BATF2: variants seen among roughly 807,000 people sequenced by gnomAD.
BATF2 encodes the protein basic leucine zipper transcriptional factor ATF-like 2.
BATF2 carries 4 observed loss-of-function variants against 7.3 expected under a neutral mutation model. The observed-to-expected ratio is 0.55, with a 90% CI of 0.27 to 1.26. The LOEUF is 1.26. Ranked by LOEUF, BATF2 falls within the 50% of genes most tolerant of loss-of-function variation. The pLI, the probability that BATF2 is intolerant of heterozygous loss-of-function variation, is 0.11. For missense variants in BATF2, 295 were observed against 340.5 expected, an observed-to-expected ratio of 0.87 and a Z score of 1.05; for synonymous variants, 152 against 153.9, an observed-to-expected ratio of 0.99 and a Z score of 0.09.
chr11:64,994,196 C>T (rs1565168522), intron 2 of BATF2, among the ~76,000 whole-genome samples: 1 of 152,178 alleles, frequency 6.6e-6, no homozygotes, highest in African/African-American at 2.4e-5. Flanking sequence ...CTGCGGACAC[C>T]TTAGGACACG....
intron 2 of BATF2, among the ~76,000 whole-genome samples, chr11:64,993,563 C>T (rs1946091674): frequency 6.6e-6 from 1 of 152,268 alleles, no homozygotes; most frequent in South Asian, 2.1e-4. Flanking sequence ...AAATAAATGT[C>T]TATTGTTTAA....
intron 2 of BATF2, among the ~76,000 whole-genome samples, chr11:64,991,152 A>AT (rs1565166784): frequency 3.8e-5 from 5 of 131,354 alleles, no homozygotes; most frequent in Non-Finnish European, 6.3e-5. Flanking sequence ...TGGAATGATG[A>AT]ATTTTTTTTT....
At chr11:64,994,656 A>G in intron 1 of BATF2, 107 bp from the exon 2 acceptor site, 1 of 1,102,098 alleles carries the variant, frequency 9.1e-7, no homozygotes, top group Non-Finnish European at 1.3e-6. Context: ...TCAAGTTCCC[A>G]AGGGTCTTTT....
chr11:64,996,828 G>A (rs916096076), intron 1 of BATF2, 48 bp downstream of exon 1: 4 of 1,610,076 alleles, frequency 2.5e-6, no homozygotes, highest in Admixed American at 1.7e-5. Flanking sequence ...CTGAGGACGG[G>A]ATCCCAGCTC....
intron 2 of BATF2, among the ~76,000 whole-genome samples, chr11:64,992,640 CAA>C: frequency 6.7e-6 from 1 of 150,364 alleles, no homozygotes; most frequent in Non-Finnish European, 1.5e-5. Flanking sequence ...GTAGGTGGAT[CAA>C]TTGAGTCCAG....
rs1946049390 is a variant in BATF2, at chr11:64,989,186, G to A, written c.768C>T (p.Pro256=). The part of the protein sequence containing the change: ...AATWQGLVVD[P]SPHPLLAFPL... Reference sequence around the variant, plus strand: ...GAAAGGCCAGGAGAGGGTGAGGGCTGGGATCCACAACCAGCCCTTGCCAAG... The same window carrying A: ...GAAAGGCCAGGAGAGGGTGAGGGCTAGGATCCACAACCAGCCCTTGCCAAG... Residue 256 remains proline, a synonymous_variant, in exon 3 of 3, where the codon CCC becomes CCT. Transcript: ENST00000301887. The surrounding 1 kb of genome is among the most constrained non-coding windows in gnomAD (Gnocchi z 4.3). 1.2e-6 allele frequency: 2 copies of A among 1,614,152 alleles called. No homozygotes were observed. Among genetic ancestry groups the A allele is most frequent in the East Asian group, 4.5e-5 (2 of 44,882 alleles).
chr11:64,995,933 G>A (rs940205935), intron 1 of BATF2, among the ~76,000 whole-genome samples: 1 of 152,078 alleles, frequency 6.6e-6, no homozygotes, highest in African/African-American at 2.4e-5. Context: ...CATGGCCCAG[G>A]GAATTTATTT....
chr11:64,989,441 G>T lies in BATF2; in HGVS notation c.513C>A (p.Ser171=), dbSNP rs1323628536. 6.2e-7 allele frequency: 1 copy of T among 1,608,828 alleles called. No homozygotes were observed. The highest frequency in any genetic ancestry group is 1.1e-5 in the South Asian group (1 of 90,378). The change falls in exon 3 of 3, where the codon TCC becomes TCA. Residue 171 remains serine (S), a synonymous_variant. Transcript: ENST00000301887. This position sits in a 1 kb window ranked among gnomAD's most constrained non-coding sequence, Gnocchi z 4.3. ...GCGAGGCAAACAGGAGAGGGCTGGG[G>T]GACAGCTGGACAGGAGGTTCAGCAA... ...AVVAEPPVQL[S]PSPLLFASHT...
intron 2 of BATF2, among the ~76,000 whole-genome samples, chr11:64,991,831 A>G (rs1210948052): frequency 2.6e-5 from 4 of 152,194 alleles, no homozygotes; most frequent in African/African-American, 7.2e-5. Context: ...AAGCATTTCC[A>G]GAAGGAAGGA....
At chr11:64,994,654 C>T in intron 1 of BATF2, 105 bp from the exon 2 acceptor site, 1 of 1,107,774 alleles carries the variant, frequency 9.0e-7, no homozygotes, top group Non-Finnish European at 1.3e-6. Flanking sequence ...AGTCAAGTTC[C>T]CAAGGGTCTT....
intron 1 of BATF2, among the ~76,000 whole-genome samples, 169 bp downstream of exon 1, chr11:64,996,707 C>T (rs571823580): frequency 1.1e-4 from 16 of 152,372 alleles, no homozygotes; most frequent in Middle Eastern, 3.4e-3. Context: ...ATCCCGACTT[C>T]GGGGGAGGAA....
chr11:64,989,042 G>T lies in BATF2; in HGVS notation c.*87C>A. The T allele has an allele frequency of 6.8e-7, 1 of 1,470,868 alleles. No individual in the cohort carries two copies. Among genetic ancestry groups the T allele is most frequent in the Non-Finnish European group, 9.5e-7 (1 of 1,052,244 alleles). The allele number at this position is 1,470,868 out of a possible 1,614,324, so 91.1% of individuals were successfully genotyped here. A position where few individuals can be genotyped will look rare whatever the true frequency, so the allele number is the denominator to read the frequency against. ...GCCAGCTGGTCAGCCACGCAGGGCAGCACCCAGTAGTGAGGGAGGAGAGGC... is the reference window on the plus strand; with the variant it reads ...GCCAGCTGGTCAGCCACGCAGGGCATCACCCAGTAGTGAGGGAGGAGAGGC... On this transcript the variant is annotated 3_prime_UTR_variant, in exon 3 of 3. Transcript: ENST00000301887. The surrounding 1 kb of genome is among the most constrained non-coding windows in gnomAD (Gnocchi z 4.3).
At position 64,989,709 on chromosome 11, in the gene BATF2, C is replaced by A. The variant is rs751982260; in HGVS notation, c.245G>T (p.Arg82Leu). 1 of 1,613,898 alleles carries A rather than the reference C, an allele frequency of 6.2e-7. No individual in the cohort carries two copies. The highest frequency in any genetic ancestry group is 8.5e-7 in the Non-Finnish European group (1 of 1,179,972). The change falls in exon 3 of 3, where the codon CGC becomes CTC. Residue 82 changes from arginine to leucine, a missense_variant. By Grantham distance (102) the Arg-to-Leu change is moderately radical. Transcript: ENST00000301887. The surrounding 1 kb of genome is among the most constrained non-coding windows in gnomAD (Gnocchi z 4.3). ...WWSRTLHVHE[R>L]LCPMDCASCS... ...GGAGGCACAATCCATGGGGCACAGG[C>A]GCTCATGCACGTGCAGGGTCCGGCT...
At chr11:64,990,525 G>A (rs960885770) in intron 2 of BATF2, 7 of 1,125,900 alleles carry the variant, frequency 6.2e-6, no homozygotes, top group Non-Finnish European at 7.7e-6. Context: ...GAGTGTGTTC[G>A]ATTCTGCATC....
Position 64,989,121 on chromosome 11 carries a change from A to G in BATF2, c.*8T>C, listed in dbSNP as rs756626733. The G allele has an allele frequency of 6.2e-7, 1 of 1,614,080 alleles. No homozygotes were observed. The highest frequency in any genetic ancestry group is 1.3e-5 in the African/African-American group (1 of 75,034). On this transcript the variant is annotated 3_prime_UTR_variant, in exon 3 of 3. Transcript: ENST00000301887. The surrounding 1 kb of genome is among the most constrained non-coding windows in gnomAD (Gnocchi z 4.3). Reference sequence around the variant, plus strand: ...AAAGAAGGGGCCAACCCAGCTCCGAAGACCAGGTTAGAAGTGGACTTGAGC... The same window carrying G: ...AAAGAAGGGGCCAACCCAGCTCCGAGGACCAGGTTAGAAGTGGACTTGAGC...
intron 2 of BATF2, among the ~76,000 whole-genome samples, chr11:64,994,035 C>T (rs1426771345): frequency 1.3e-5 from 2 of 152,068 alleles, no homozygotes; most frequent in Non-Finnish European, 2.9e-5. Context: ...TGGGCTCAAA[C>T]AATCCTCCAG....
Position 64,989,355 on chromosome 11 carries a change from G to A in BATF2, c.599C>T (p.Thr200Met), listed in dbSNP as rs754263193. The A allele has an allele frequency of 1.7e-5, 27 of 1,570,962 alleles. No homozygotes were observed. In the East Asian group the frequency reaches 3.6e-4, roughly 21 times the overall value. ...SKLSALQPSL[T>M]AQTAPPQPLE... ...GGGCTGTGGAGGGGCAGTTTGGGCC[G>A]TGAGGCTGGGCTGGAGGGCACTGAG... Residue 200 changes from threonine to methionine, a missense_variant, in exon 3 of 3, where the codon ACG becomes ATG. Physicochemically the swap from Thr to Met is moderately conservative, Grantham distance 81 (BLOSUM62 -1). Transcript: ENST00000301887. This position sits in a 1 kb window ranked among gnomAD's most constrained non-coding sequence, Gnocchi z 4.3.
chr11:64,992,442 G>A (rs1219675539), intron 2 of BATF2, among the ~76,000 whole-genome samples: 1 of 152,122 alleles, frequency 6.6e-6, no homozygotes, highest in Non-Finnish European at 1.5e-5. Flanking sequence ...AAATTTATGT[G>A]TTGAAGCCAT....
At chr11:64,994,359 GA>G in intron 2 of BATF2, 88 bp downstream of exon 2, 1 of 1,242,752 alleles carries the variant, frequency 8.0e-7, no homozygotes, top group Non-Finnish European at 1.1e-6. Context: ...GAGTTTGGGG[GA>G]GGTCTGCTCA....
Sources: allele counts gnomAD v4.1 joint callset (sites outside exome capture counted in the v4.1 genomes callset), GRCh38; gene constraint gnomAD v4.1.1; non-coding constraint Gnocchi (gnomAD v3.1); transcripts MANE v1.5; gene names NCBI Gene and HGNC (gene_info 2026-07-23, HGNC 2026-07-21).